MYO1B: variants seen among roughly 807,000 people sequenced by gnomAD.
The protein encoded by MYO1B is unconventional myosin-Ib.
MYO1B carries 72 observed loss-of-function variants against 159.7 expected under a neutral mutation model. That is an observed-to-expected ratio of 0.45 (90% CI 0.37 to 0.55). The LOEUF (loss-of-function observed/expected upper bound fraction) is 0.55. MYO1B is among the 20% of genes least tolerant of loss of function. MYO1B has a pLI of 0.00. For synonymous variants in MYO1B, 468 were observed against 473.8 expected (o/e 0.99, Z 0.16); for missense variants, 1,062 against 1,364.8 (o/e 0.78, Z 3.50).
intron 26 of MYO1B, among the ~76,000 whole-genome samples, chr2:191,409,818 T>C (rs1267553953): frequency 6.6e-6 from 1 of 152,204 alleles, no homozygotes; most frequent in Non-Finnish European, 1.5e-5. Context: ...TGTATAGATG[T>C]TGACCTTACT....
chr2:191,389,367 A>T (rs1205240052), intron 17 of MYO1B, among the ~76,000 whole-genome samples: 1 of 152,220 alleles, frequency 6.6e-6, no homozygotes, highest in African/African-American at 2.4e-5. Context: ...GATTTAAGCA[A>T]GATTGATGTT....
chr2:191,354,330 A>G (rs181971870), intron 7 of MYO1B, among the ~76,000 whole-genome samples: 2 of 151,176 alleles, frequency 1.3e-5, no homozygotes, highest in Non-Finnish European at 2.9e-5. Flanking sequence ...TGTTGAATGA[A>G]TGAATGATCA....
At chr2:191,336,080 G>C (rs1691814133) in intron 4 of MYO1B, among the ~76,000 whole-genome samples, 2 of 152,264 alleles carry the variant, frequency 1.3e-5, no homozygotes, top group Middle Eastern at 6.8e-3. Context: ...CAGAATATGA[G>C]GGAACCATCA....
rs538381992 is a variant in MYO1B, at chr2:191,359,016, C to A, written c.563-1615C>A. Among the ~76,000 whole-genome samples the A allele has an allele frequency of 8.5e-5, 13 of 152,302 alleles. No individual in the cohort carries two copies. The South Asian group carries it at 2.1e-3, about 24-fold the overall frequency. On this transcript the variant is annotated intron_variant, in intron 7 of 30. Coordinates refer to ENST00000392318, the MANE Select transcript of MYO1B (RefSeq NM_001130158.3). ...TGTTTATATTTTTTATGTAATCAAG[C>A]CACTTTCTTCTAAACTTGAGGAATT...
At chr2:191,372,088 GACTT>G (rs1314853961) in intron 13 of MYO1B, among the ~76,000 whole-genome samples, 1 of 152,232 alleles carries the variant, frequency 6.6e-6, no homozygotes, top group Non-Finnish European at 1.5e-5. Flanking sequence ...CAGGGAAAAA[GACTT>G]ACTACCTAGC....
chr2:191,386,206 G>A, intron 16 of MYO1B, 122 bp downstream of exon 16: 1 of 809,840 alleles, frequency 1.2e-6, no homozygotes, highest in Non-Finnish European at 2.0e-6. Context: ...CTGCTAAAGT[G>A]GTTGAATCGA....
intron 7 of MYO1B, among the ~76,000 whole-genome samples, chr2:191,354,542 T>C (rs1405873025): frequency 6.6e-6 from 1 of 152,060 alleles, no homozygotes; most frequent in Non-Finnish European, 1.5e-5. Flanking sequence ...AAAAAAGAAA[T>C]TCTGCTAATT....
chr2:191,384,333 G>A (rs1000727358), intron 15 of MYO1B, among the ~76,000 whole-genome samples: 6 of 152,200 alleles, frequency 3.9e-5, no homozygotes, highest in African/African-American at 1.4e-4. Context: ...GATGAGTGCT[G>A]TGTTTCAGGA....
At chr2:191,291,446 C>CT (rs143945650) in intron 2 of MYO1B, among the ~76,000 whole-genome samples, 5,245 of 152,224 alleles carry the variant, frequency 0.034, 294 homozygotes, top group African/African-American at 0.12. Flanking sequence ...TCCCTCTTCC[C>CT]TTTTTCTTCT....
chr2:191,409,100 C>T lies in MYO1B; in HGVS notation c.2688C>T (p.Asp896=). ...KNKMPSLSPI[D]KNWPSRPYLF... ...AGATGCCTTCCTTATCTCCAATAGACAAGAATTGGCCCTCAAGACCTTACT... is the reference window on the plus strand; with the variant it reads ...AGATGCCTTCCTTATCTCCAATAGATAAGAATTGGCCCTCAAGACCTTACT... Residue 896 remains aspartate, a synonymous_variant, in exon 26 of 31, where the codon GAC becomes GAT. Transcript: ENST00000392318. 6.2e-7 allele frequency: 1 copy of T among 1,613,272 alleles called. No homozygotes were observed. The highest frequency in any genetic ancestry group is 8.5e-7 in the Non-Finnish European group (1 of 1,179,716).
At chr2:191,377,236 C>T (rs1315830907) in intron 13 of MYO1B, among the ~76,000 whole-genome samples, 1 of 152,114 alleles carries the variant, frequency 6.6e-6, no homozygotes, top group Non-Finnish European at 1.5e-5. Flanking sequence ...TCTAAAGCAG[C>T]CTCAGCTTCA....
intron 1 of MYO1B, among the ~76,000 whole-genome samples, chr2:191,267,262 G>A (rs1272958605): frequency 6.6e-6 from 1 of 152,058 alleles, no homozygotes; most frequent in South Asian, 2.1e-4. Context: ...AAATCTATTG[G>A]ATTTCTTCAT....
chr2:191,374,004 G>C (rs1694542339), intron 13 of MYO1B, among the ~76,000 whole-genome samples: 1 of 152,022 alleles, frequency 6.6e-6, no homozygotes, highest in Non-Finnish European at 1.5e-5. Flanking sequence ...TTAGCGATTT[G>C]GTTGGGGATT....
At chr2:191,312,319 C>G (rs1240621173) in intron 3 of MYO1B, among the ~76,000 whole-genome samples, 2 of 152,100 alleles carry the variant, frequency 1.3e-5, no homozygotes, top group African/African-American at 4.8e-5. Flanking sequence ...CACAGACACT[C>G]TGGTCTATAT....
intron 3 of MYO1B, among the ~76,000 whole-genome samples, chr2:191,300,674 A>G (rs1427328270): frequency 2.5e-5 from 2 of 81,624 alleles, no homozygotes; most frequent in Non-Finnish European, 4.5e-5. Context: ...AGGTCTTGCT[A>G]TGTTGTCCAG....
chr2:191,301,033 A>C (rs1037919894), intron 3 of MYO1B, among the ~76,000 whole-genome samples: 2 of 152,084 alleles, frequency 1.3e-5, no homozygotes, highest in Non-Finnish European at 2.9e-5. Flanking sequence ...GGAACTCCTC[A>C]GCTGGACTCC....
rs1469171554 is a variant in MYO1B at position 191,354,172 on chromosome 2, C to T, written c.562+3947C>T. Reference sequence around the variant, plus strand: ...TCGGGAGGCTGAGGCAGTAGGATCACTTGAACCTGGGAGGCAGAGTTTGCA... The same window carrying T: ...TCGGGAGGCTGAGGCAGTAGGATCATTTGAACCTGGGAGGCAGAGTTTGCA... On this transcript the variant is annotated intron_variant, in intron 7 of 30. Coordinates refer to ENST00000392318, the MANE Select transcript of MYO1B (RefSeq NM_001130158.3). 2.0e-5 allele frequency among the ~76,000 whole-genome samples: 3 copies of T among 152,066 alleles called. No homozygotes were observed. The East Asian group carries it at 5.8e-4, about 29-fold the overall frequency.
intron 3 of MYO1B, among the ~76,000 whole-genome samples, chr2:191,298,623 T>G (rs1162972718): frequency 1.3e-5 from 2 of 152,220 alleles, no homozygotes; most frequent in East Asian, 3.8e-4. Context: ...TTTCTTTCCT[T>G]TCTTAACTAC....
chr2:191,265,213 G>T (rs1234830731), intron 1 of MYO1B, among the ~76,000 whole-genome samples: 3 of 146,922 alleles, frequency 2.0e-5, no homozygotes, highest in African/African-American at 5.1e-5. Context: ...TTTTAAAGAA[G>T]GCCATTCTGC....
Sources: allele counts gnomAD v4.1 joint callset (sites outside exome capture counted in the v4.1 genomes callset), GRCh38; gene constraint gnomAD v4.1.1; transcripts MANE v1.5; gene names NCBI Gene and HGNC (gene_info 2026-07-23, HGNC 2026-07-21).